The following APOL5 variants were observed in gnomAD, a reference collection of about 807,000 sequenced individuals.
APOL5 encodes apolipoprotein L, 5.
A neutral mutation model predicts 35.5 loss-of-function variants in APOL5; 29 were observed. The ratio of observed to expected loss-of-function variants is 0.82; its 90% CI spans 0.61 to 1.11. The LOEUF is 1.11. APOL5 is among the 50% of genes most tolerant of loss of function. The pLI is 0.00. For missense variants in APOL5, 514 were observed against 530.4 expected, an observed-to-expected ratio of 0.97 and a Z score of 0.30; for synonymous variants, 188 against 200.2, an observed-to-expected ratio of 0.94 and a Z score of 0.51.
At chr22:35,717,514 C>T (rs918957462), upstream of APOL5, among the ~76,000 whole-genome samples, 6 of 150,706 alleles carry the variant, frequency 4.0e-5, no homozygotes, top group South Asian at 2.1e-4. Context: ...CCAAGGCGGG[C>T]GGATCACCTG....
chr22:35,720,545 C>G (rs765397112), intron 1 of APOL5, 23 bp from the exon 2 acceptor site: 8 of 1,611,962 alleles, frequency 5.0e-6, no homozygotes, highest in Non-Finnish European at 5.1e-6. Context: ...GAAGAAATGT[C>G]CCTGATCCTT....
At chr22:35,719,222 A>AT (rs201573738) in intron 1 of APOL5, among the ~76,000 whole-genome samples, 4,760 of 152,204 alleles carry the variant, frequency 0.031, 129 homozygotes, top group Middle Eastern at 0.13. Context: ...GTCAAATTAT[A>AT]TTTTTTGTCA....
chr22:35,710,017 A>C, the APOL5 span, among the ~76,000 whole-genome samples: 1 of 151,054 alleles, frequency 6.6e-6, no homozygotes, highest in Non-Finnish European at 1.5e-5. Context: ...GATAGTTTCC[A>C]TCAGCTTGCT....
At chr22:35,727,309 T>C (rs1178856030) in intron 3 of APOL5, 115 bp downstream of exon 3, 1 of 1,447,720 alleles carries the variant, frequency 6.9e-7, no homozygotes, top group Non-Finnish European at 9.2e-7. Context: ...AGCTGCCCCT[T>C]CTGCAAAGAG....
rs559025443 is a variant in APOL5, at chr22:35,720,824, C to T, written c.142+170C>T. Among the ~76,000 whole-genome samples the T allele has an allele frequency of 1.3e-4, 20 of 152,322 alleles. No individual in the cohort carries two copies. The South Asian group carries it at 4.2e-3, about 32-fold the overall frequency. ...GCAGTGGCACGATCTCGGCTCACTG[C>T]AACCTCTGCCTCCCAGGTTCAAGTG... On this transcript the variant is annotated intron_variant, in intron 2 of 4. Transcript: ENST00000249044.
At chr22:35,723,281 A>G (rs1927036834) in intron 2 of APOL5, among the ~76,000 whole-genome samples, 2 of 152,178 alleles carry the variant, frequency 1.3e-5, no homozygotes, top group Admixed American at 6.5e-5. Flanking sequence ...CTCAATTAGG[A>G]GACAGGCCAG....
chr22:35,713,142 C>T (rs1051710160), upstream of APOL5, among the ~76,000 whole-genome samples: 9 of 152,238 alleles, frequency 5.9e-5, no homozygotes, highest in African/African-American at 2.2e-4. Context: ...CTCTTCCTCC[C>T]AAAGCCCTGC....
the APOL5 span, among the ~76,000 whole-genome samples, chr22:35,709,440 T>C: frequency 6.6e-6 from 1 of 152,230 alleles, no homozygotes; most frequent in South Asian, 2.1e-4. Flanking sequence ...CGCCAGTCTG[T>C]TGTTTCTGTG....
the APOL5 span, among the ~76,000 whole-genome samples, chr22:35,710,021 G>C: frequency 6.6e-6 from 1 of 151,562 alleles, no homozygotes; most frequent in Non-Finnish European, 1.5e-5. Context: ...GTTTCCATCA[G>C]CTTGCTGGCA....
rs568136674 is a variant in APOL5, at chr22:35,720,600, C to T, written c.88C>T (p.Arg30Ter). 47 of 1,614,080 alleles carry T rather than the reference C, an allele frequency of 2.9e-5. No individual in the cohort carries two copies. Among genetic ancestry groups the T allele is most frequent in the Admixed American group, 1.0e-4 (6 of 60,000 alleles). The change falls in exon 2 of 5, where the codon CGA becomes TGA. Residue 30 changes from arginine to a stop codon, truncating the protein, a stop_gained. Coordinates refer to ENST00000249044, the MANE Select transcript of APOL5 (RefSeq NM_030642.1). LOFTEE classifies it high-confidence loss of function. Reference sequence around the variant, plus strand: ...AGAAGGTTGTAAAGAAATGTGGCTTCGAAAGGTAATCTACGGAGGTGAGGT... The same window carrying T: ...AGAAGGTTGTAAAGAAATGTGGCTTTGAAAGGTAATCTACGGAGGTGAGGT... ...LGEGCKEMWL[R>*]KVIYGGEVWG...
upstream of APOL5, among the ~76,000 whole-genome samples, chr22:35,717,412 A>G (rs1403462817): frequency 6.8e-6 from 1 of 148,084 alleles, no homozygotes; most frequent in Non-Finnish European, 1.5e-5. Flanking sequence ...ATGAAAGAAA[A>G]AAAAAAAAGA....
chr22:35,714,310 T>TC, upstream of APOL5, among the ~76,000 whole-genome samples: 1 of 152,180 alleles, frequency 6.6e-6, no homozygotes, highest in Middle Eastern at 3.4e-3. Context: ...AGATTCTGTC[T>TC]CAAAAAAATA....
In APOL5 at chr22:35,726,958, C is replaced by T. The variant is rs772110138; in HGVS notation, c.890C>T (p.Ala297Val). 2 of 1,614,058 alleles carry T rather than the reference C, an allele frequency of 1.2e-6. No homozygotes were observed. The highest frequency in any genetic ancestry group is 8.5e-7 in the Non-Finnish European group (1 of 1,180,038). ...MTNGAWVMGA[A>V]GAGFLLMKDM... is the part of the protein sequence containing the mutation. ...AATGGTGCCTGGGTGATGGGTGCTG[C>T]TGGGGCTGGCTTCTTACTTATGAAA... Residue 297 changes from alanine to valine, a missense_variant, in exon 3 of 5, where the codon GCT (alanine) becomes GTT (valine). Ala to Val is a moderately conservative substitution (Grantham distance 64). This residue lies in a region of APOL5 where 238 missense variants were observed against 229.1 expected (regional missense o/e 1.04). Coordinates refer to ENST00000249044, the MANE Select transcript of APOL5 (RefSeq NM_030642.1).
chr22:35,717,235 A>AAAAAATATATATAT, upstream of APOL5, among the ~76,000 whole-genome samples: 6 of 57,660 alleles, frequency 1.0e-4, no homozygotes, highest in African/African-American at 4.0e-4. Flanking sequence ...AAAAAAAAAA[A>AAAAAATATATATAT]ATATATATAT....
chr22:35,710,113 CTTTT>C, the APOL5 span, among the ~76,000 whole-genome samples: 27 of 86,706 alleles, frequency 3.1e-4, no homozygotes, highest in African/African-American at 1.6e-3. Context: ...CTTTCTTTCT[CTTTT>C]TTTTTTTTTT....
chr22:35,717,368 T>G (rs1192840164), upstream of APOL5, among the ~76,000 whole-genome samples: 1 of 142,962 alleles, frequency 7.0e-6, no homozygotes, highest in Non-Finnish European at 1.5e-5. Flanking sequence ...GTCACTGCAC[T>G]CCAGCCCAGG....
rs769747567 is a variant in APOL5 at position 35,726,505 on chromosome 22, C to A, written c.437C>A (p.Ala146Asp). 9.9e-6 allele frequency: 16 copies of A among 1,614,208 alleles called. No individual in the cohort carries two copies. The highest frequency in any genetic ancestry group is 5.0e-5 in the Admixed American group (3 of 60,020). Residue 146 changes from alanine to aspartate, a missense_variant, in exon 3 of 5, where the codon GCT becomes GAT. Physicochemically the swap from Ala to Asp is moderately radical, Grantham distance 126. Coordinates refer to ENST00000249044, the MANE Select transcript of APOL5 (RefSeq NM_030642.1). Reference sequence around the variant, plus strand: ...AGCCTGGTGGCCAGCTCTTCCGGGGCTGTTTCTGGGGTCATGAACATCCTG... The same window carrying A: ...AGCCTGGTGGCCAGCTCTTCCGGGGATGTTTCTGGGGTCATGAACATCCTG... ...KTSLVASSSGAVSGVMNILGL... is the reference protein window; with the variant it reads ...KTSLVASSSGDVSGVMNILGL...
upstream of APOL5, among the ~76,000 whole-genome samples, chr22:35,713,488 TC>T (rs1926649368): frequency 6.6e-6 from 1 of 152,092 alleles, no homozygotes; most frequent in South Asian, 2.1e-4. Context: ...AGTGCTCTTC[TC>T]CCCTCTAAGC....
upstream of APOL5, among the ~76,000 whole-genome samples, chr22:35,716,992 T>C (rs4821435): frequency 0.71 from 107,139 of 150,154 alleles, 38,882 homozygotes; most frequent in African/African-American, 0.83. Flanking sequence ...TACACGTTTG[T>C]CTGTTGTGTT....
Sources: allele counts gnomAD v4.1 joint callset (sites outside exome capture counted in the v4.1 genomes callset), GRCh38; gene constraint gnomAD v4.1.1; regional missense constraint gnomAD v4.1.1; transcripts MANE v1.5; gene names NCBI Gene and HGNC (gene_info 2026-07-23, HGNC 2026-07-21).